Variants in ADCY2 observed in about 807,000 individuals in gnomAD.
ADCY2 encodes adenylate cyclase 2, also known as adenylate cyclase type 2.
In ADCY2, 31 loss-of-function variants were observed where a neutral mutation model predicts 125.2. The observed-to-expected ratio is 0.25, with a 90% confidence interval of 0.19 to 0.33. ADCY2 has a LOEUF of 0.33. Ranked by LOEUF, ADCY2 falls within the 10% of genes least tolerant of loss-of-function variation. The pLI is 1.00. For missense variants in ADCY2, 904 were observed against 1,418.2 expected, an observed-to-expected ratio of 0.64 and a Z score of 5.82; for synonymous variants, 512 against 548.4, an observed-to-expected ratio of 0.93 and a Z score of 0.93.
At chr5:7,754,548 T>G (rs1272996551) in intron 15 of ADCY2, among the ~76,000 whole-genome samples, 1 of 152,168 alleles carries the variant, frequency 6.6e-6, no homozygotes, top group Non-Finnish European at 1.5e-5. Flanking sequence ...GTAGTCAATC[T>G]GGATGTGAAT....
intron 3 of ADCY2, among the ~76,000 whole-genome samples, chr5:7,583,335 CTG>C (rs1248110013): frequency 1.3e-5 from 2 of 151,936 alleles, no homozygotes; most frequent in African/African-American, 4.8e-5. Flanking sequence ...AATTTATAAA[CTG>C]ATTATAATAT....
chr5:7,600,329 G>A (rs1737157151), intron 3 of ADCY2, among the ~76,000 whole-genome samples: 1 of 152,194 alleles, frequency 6.6e-6, no homozygotes, highest in Non-Finnish European at 1.5e-5. Context: ...AAGGTGGAGA[G>A]GTTGTCCTTG....
chr5:7,448,342 C>T lies in ADCY2; in HGVS notation c.408+33572C>T, dbSNP rs141985805. Among the ~76,000 whole-genome samples, 206 of 152,282 alleles carry T rather than the reference C, an allele frequency of 1.4e-3. 2 individuals are homozygous for T. The highest frequency in any genetic ancestry group is 4.4e-3 in the African/African-American group (182 of 41,558). On this transcript the variant is annotated intron_variant, in intron 2 of 24. Transcript: ENST00000338316. ...TCAGGTGCTGTCTGTCCTTTTCCCT[C>T]GTGCTCAGAGTTTCTGGTGCAAAAA...
At chr5:7,590,312 A>G (rs1317266493) in intron 3 of ADCY2, among the ~76,000 whole-genome samples, 1 of 152,216 alleles carries the variant, frequency 6.6e-6, no homozygotes, top group African/African-American at 2.4e-5. Flanking sequence ...AATTTCATTT[A>G]CTCAGATAAT....
intron 3 of ADCY2, among the ~76,000 whole-genome samples, chr5:7,581,548 G>A (rs542857511): frequency 1.3e-5 from 2 of 152,096 alleles, no homozygotes; most frequent in South Asian, 2.1e-4. Flanking sequence ...GGCCAGGTGC[G>A]GTGGCTCACA....
intron 4 of ADCY2, among the ~76,000 whole-genome samples, chr5:7,631,894 T>A (rs1230839320): frequency 6.6e-6 from 1 of 152,172 alleles, no homozygotes; most frequent in East Asian, 1.9e-4. Flanking sequence ...CATCTCTGCA[T>A]GTTCAGTTTA....
intron 4 of ADCY2, among the ~76,000 whole-genome samples, chr5:7,652,145 C>T (rs1739118747): frequency 6.6e-6 from 1 of 152,166 alleles, no homozygotes; most frequent in Non-Finnish European, 1.5e-5. Context: ...AGAGTTCCAG[C>T]CCTGAGCAGG....
rs145553589 is a variant in ADCY2 at position 7,732,581 on chromosome 5, C to T, written c.1871+5320C>T. Among the ~76,000 whole-genome samples the T allele has an allele frequency of 4.8e-3, 736 of 152,218 alleles. 5 individuals carry two copies. Among genetic ancestry groups the T allele is most frequent in the African/African-American group, 0.017 (709 of 41,526 alleles). ...CATCTCTTTAAAGAAACCATTTTGC[C>T]GTATTTTATGAGGCATTTTTGTTAG... On this transcript the variant is annotated intron_variant, in intron 14 of 24. Coordinates refer to ENST00000338316, the MANE Select transcript of ADCY2 (RefSeq NM_020546.3).
chr5:7,573,910 CT>C (rs1736155283), intron 3 of ADCY2, among the ~76,000 whole-genome samples: 1 of 95,238 alleles, frequency 1.0e-5, no homozygotes, highest in African/African-American at 4.0e-5. Flanking sequence ...TCCCTCCCCC[CT>C]CCCCCCACCC....
chr5:7,625,483 T>C (rs946799599), intron 3 of ADCY2, among the ~76,000 whole-genome samples: 3 of 152,214 alleles, frequency 2.0e-5, no homozygotes, highest in Non-Finnish European at 4.4e-5. Flanking sequence ...TATAGATTAT[T>C]TTTAGTTTGT....
intron 11 of ADCY2, among the ~76,000 whole-genome samples, chr5:7,716,608 G>A (rs1292803567): frequency 2.0e-5 from 3 of 152,218 alleles, no homozygotes; most frequent in Middle Eastern, 3.2e-3. Flanking sequence ...GATGTTAATA[G>A]AGAAGAGCCT....
chr5:7,612,519 C>T (rs1167320055), intron 3 of ADCY2, among the ~76,000 whole-genome samples: 2 of 152,174 alleles, frequency 1.3e-5, no homozygotes, highest in African/African-American at 2.4e-5. Context: ...ACAGTCTGAT[C>T]TCATGGGGAG....
At chr5:7,628,791 A>T (rs1738214275) in intron 4 of ADCY2, among the ~76,000 whole-genome samples, 1 of 151,992 alleles carries the variant, frequency 6.6e-6, no homozygotes, top group African/African-American at 2.4e-5. Flanking sequence ...ACCAGCATGT[A>T]ATTAAATGGG....
intron 2 of ADCY2, among the ~76,000 whole-genome samples, chr5:7,452,014 G>A (rs890108634): frequency 1.3e-5 from 2 of 152,144 alleles, no homozygotes; most frequent in Non-Finnish European, 2.9e-5. Flanking sequence ...AGGTTCAAGC[G>A]ATTCTCCAGC....
intron 2 of ADCY2, among the ~76,000 whole-genome samples, chr5:7,436,590 G>A (rs1226915019): frequency 6.6e-6 from 1 of 152,220 alleles, no homozygotes; most frequent in East Asian, 1.9e-4. Context: ...TTAAAATTCT[G>A]AGACAAAGAT....
intron 22 of ADCY2, among the ~76,000 whole-genome samples, chr5:7,814,607 T>C (rs1407286377): frequency 6.6e-6 from 1 of 152,034 alleles, no homozygotes; most frequent in African/African-American, 2.4e-5. Context: ...AATAACCCCT[T>C]CTTCATTTTC....
intron 12 of ADCY2, among the ~76,000 whole-genome samples, chr5:7,722,353 G>T (rs563360105): frequency 6.6e-6 from 1 of 152,126 alleles, no homozygotes; most frequent in South Asian, 2.1e-4. Context: ...ACTCTCACTC[G>T]CAAGCTGACA....
chr5:7,794,520 G>C (rs1744363532), intron 20 of ADCY2: 1 of 152,218 alleles, frequency 6.6e-6, no homozygotes, highest in South Asian at 2.1e-4. Flanking sequence ...CAAAGGGCCT[G>C]AGCAAGAAAG....
chr5:7,428,121 A>T (rs1740454614), intron 2 of ADCY2, among the ~76,000 whole-genome samples: 1 of 152,156 alleles, frequency 6.6e-6, no homozygotes, highest in South Asian at 2.1e-4. Flanking sequence ...CTGAAAGGTG[A>T]TTTCAGCTTT....
Sources: allele counts gnomAD v4.1 joint callset (sites outside exome capture counted in the v4.1 genomes callset), GRCh38; gene constraint gnomAD v4.1.1; transcripts MANE v1.5; gene names NCBI Gene and HGNC (gene_info 2026-07-23, HGNC 2026-07-21).